Variants in APBB2 observed in about 807,000 individuals in gnomAD.
APBB2 encodes amyloid beta precursor protein binding family B member 2.
APBB2 carries 38 observed loss-of-function variants against 82.5 expected under a neutral mutation model. That is an observed-to-expected ratio of 0.46 (90% CI 0.36 to 0.60). The LOEUF (loss-of-function observed/expected upper bound fraction) is 0.60, where lower values mean the gene tolerates loss of function less well. Ranked by LOEUF, APBB2 falls within the 20% of genes least tolerant of loss-of-function variation. The probability of loss-of-function intolerance (pLI) is 0.00; values close to 1 mark genes in which losing one functional copy is unlikely to be tolerated. For missense variants in APBB2, 772 were observed against 972.3 expected, an observed-to-expected ratio of 0.79 and a Z score of 2.74; for synonymous variants, 341 against 368.2, an observed-to-expected ratio of 0.93 and a Z score of 0.85.
At chr4:40,828,542 G>A (rs1750743139) in intron 13 of APBB2, among the ~76,000 whole-genome samples, 1 of 152,196 alleles carries the variant, frequency 6.6e-6, no homozygotes, top group Non-Finnish European at 1.5e-5. Context: ...CATGTTCTGA[G>A]GGCTTTATGC....
chr4:40,965,596 C>A (rs1794483979), intron 6 of APBB2, among the ~76,000 whole-genome samples: 1 of 151,984 alleles, frequency 6.6e-6, no homozygotes, highest in South Asian at 2.1e-4. Flanking sequence ...GATTCTATGT[C>A]AAAATGATAT....
rs140396759 is a variant in APBB2 at position 41,201,415 on chromosome 4, C to G, written c.-417+12990G>C. 4.0e-4 allele frequency among the ~76,000 whole-genome samples: 61 copies of G among 152,278 alleles called. No individual in the cohort carries two copies. The East Asian group carries it at 0.011, about 27-fold the overall frequency. On this transcript the variant is annotated intron_variant, in intron 1 of 17. Transcript: ENST00000508593. ...GGTGGAGCATCGCTAATCTGAAAATCTGAAATCCAAAATGCTCCAAAATAT... is the reference window on the plus strand; with the variant it reads ...GGTGGAGCATCGCTAATCTGAAAATGTGAAATCCAAAATGCTCCAAAATAT...
At chr4:40,880,302 C>A in intron 12 of APBB2, 1 of 985,400 alleles carries the variant, frequency 1.0e-6, no homozygotes, top group Non-Finnish European at 1.2e-6. Flanking sequence ...TCTTCTTTCC[C>A]AGTGACGAAC....
intron 6 of APBB2, among the ~76,000 whole-genome samples, chr4:40,989,602 T>G (rs1267719272): frequency 6.6e-6 from 1 of 152,178 alleles, no homozygotes; most frequent in African/African-American, 2.4e-5. Context: ...CTTTGTTAAT[T>G]TGCTTGTTTG....
chr4:40,982,146 T>C (rs997515713), intron 6 of APBB2, among the ~76,000 whole-genome samples: 2 of 144,300 alleles, frequency 1.4e-5, no homozygotes, highest in African/African-American at 5.3e-5. Context: ...GGTCACACCA[T>C]TGCACTCCAG....
intron 13 of APBB2, among the ~76,000 whole-genome samples, chr4:40,829,908 G>A (rs747411124): frequency 1.3e-5 from 2 of 152,192 alleles, no homozygotes; most frequent in Non-Finnish European, 2.9e-5. Context: ...GCAATCCCCA[G>A]CTCCCTGCAT....
chr4:40,830,620 A>G lies in APBB2; in HGVS notation c.1530-43T>C, dbSNP rs151231419. On this transcript the variant is annotated intron_variant, in intron 12 of 17. Coordinates refer to ENST00000508593, the MANE Select transcript of APBB2 (RefSeq NM_004307.2). ...ATCAGTCCATTAGTAAGAGAAGCTGATTACCAACACATACTTTAGTTATGA... is the reference window on the plus strand; with the variant it reads ...ATCAGTCCATTAGTAAGAGAAGCTGGTTACCAACACATACTTTAGTTATGA... The G allele has an allele frequency of 1.6e-4, 185 of 1,168,912 alleles. No homozygotes were observed. In the East Asian group the frequency reaches 4.3e-3, roughly 27 times the overall value. 72.4% of individuals were successfully genotyped at this position (1,168,912 alleles called of 1,614,324 possible). A position where few individuals can be genotyped will look rare whatever the true frequency, so the allele number is the denominator to read the frequency against.
intron 4 of APBB2, among the ~76,000 whole-genome samples, chr4:41,035,575 CA>C (rs1718809558): frequency 6.6e-6 from 1 of 152,098 alleles, no homozygotes; most frequent in Non-Finnish European, 1.5e-5. Context: ...AATAGATACT[CA>C]AGAAAATGAA....
intron 4 of APBB2, among the ~76,000 whole-genome samples, chr4:41,053,692 T>G (rs886336874): frequency 2.0e-5 from 3 of 151,766 alleles, no homozygotes; most frequent in African/African-American, 7.3e-5. Context: ...AAACTAAGAG[T>G]ATCATAAAAA....
At chr4:41,053,655 T>C (rs550267136) in intron 4 of APBB2, among the ~76,000 whole-genome samples, 1 of 152,242 alleles carries the variant, frequency 6.6e-6, no homozygotes, top group African/African-American at 2.4e-5. Flanking sequence ...TATAAAGCCA[T>C]AAATACACAC....
intron 10 of APBB2, among the ~76,000 whole-genome samples, chr4:40,930,657 A>T (rs1784007773): frequency 6.6e-6 from 1 of 152,174 alleles, no homozygotes; most frequent in Non-Finnish European, 1.5e-5. Flanking sequence ...TTAAGTAGGG[A>T]GTAAGGAAGA....
At chr4:41,169,685 T>G (rs1231380576) in intron 1 of APBB2, among the ~76,000 whole-genome samples, 1 of 152,216 alleles carries the variant, frequency 6.6e-6, no homozygotes, top group African/African-American at 2.4e-5. Context: ...TATGGTAAAA[T>G]CGTTCTTCTA....
At chr4:40,845,025 TA>T (rs1387698445) in intron 12 of APBB2, among the ~76,000 whole-genome samples, 1 of 152,242 alleles carries the variant, frequency 6.6e-6, no homozygotes, top group Non-Finnish European at 1.5e-5. Context: ...GTGATTCACT[TA>T]AAAACATACC....
intron 6 of APBB2, among the ~76,000 whole-genome samples, chr4:40,950,494 T>C (rs1789799785): frequency 6.6e-6 from 1 of 152,174 alleles, no homozygotes; most frequent in South Asian, 2.1e-4. Context: ...GGAGAACTGC[T>C]TGAGTCTAGG....
chr4:41,192,503 G>A lies in APBB2; in HGVS notation c.-417+21902C>T, dbSNP rs557965791. Among the ~76,000 whole-genome samples the A allele has an allele frequency of 3.0e-4, 45 of 152,194 alleles. 1 individual carries two copies. The highest frequency in any genetic ancestry group is 1.1e-3 in the African/African-American group (44 of 41,528). On this transcript the variant is annotated intron_variant, in intron 1 of 17. Coordinates refer to ENST00000508593, the MANE Select transcript of APBB2 (RefSeq NM_004307.2). ...ATTGGCCACAACATGGACGAACCTA[G>A]AAGATATTATGCTAAGTGGTATTAT...
chr4:41,121,465 T>C (rs567769957), intron 2 of APBB2, among the ~76,000 whole-genome samples: 12 of 152,232 alleles, frequency 7.9e-5, no homozygotes, highest in South Asian at 2.1e-4. Flanking sequence ...GGAGCGTGCG[T>C]GTGTACACGC....
At chr4:40,924,760 T>C (rs190724258) in intron 10 of APBB2, among the ~76,000 whole-genome samples, 128 of 152,312 alleles carry the variant, frequency 8.4e-4, no homozygotes, top group Non-Finnish European at 1.2e-4. Flanking sequence ...TGGAACCCAC[T>C]AAATCCTGAG....
intron 3 of APBB2, among the ~76,000 whole-genome samples, chr4:41,077,844 T>C (rs1182535464): frequency 3.3e-5 from 5 of 152,166 alleles, no homozygotes; most frequent in South Asian, 2.1e-4. Flanking sequence ...CAGCTGTGCA[T>C]AGGCCTCAAG....
chr4:41,042,454 C>T (rs1721893541), intron 4 of APBB2, among the ~76,000 whole-genome samples: 1 of 152,236 alleles, frequency 6.6e-6, no homozygotes, highest in Non-Finnish European at 1.5e-5. Context: ...TTGCCCTCTA[C>T]TCCGTAACCT....
Sources: allele counts gnomAD v4.1 joint callset (sites outside exome capture counted in the v4.1 genomes callset), GRCh38; gene constraint gnomAD v4.1.1; transcripts MANE v1.5; gene names NCBI Gene and HGNC (gene_info 2026-07-23, HGNC 2026-07-21).